The following ACAN variants were observed in gnomAD, a reference collection of about 807,000 sequenced individuals.
The protein encoded by ACAN is aggrecan core protein.
A neutral mutation model predicts 169.1 loss-of-function variants in ACAN; 47 were observed. The observed-to-expected ratio is 0.28, with a 90% CI of 0.22 to 0.35. The LOEUF is 0.35. Ranked by LOEUF, ACAN falls within the 10% of genes least tolerant of loss-of-function variation. ACAN has a pLI of 1.00. For synonymous variants in ACAN, 1,115 were observed against 1,112.2 expected, an observed-to-expected ratio of 1.00 and a Z score of -0.05; for missense variants, 2,716 against 2,759.9, an observed-to-expected ratio of 0.98 and a Z score of 0.36.
intron 1 of ACAN, among the ~76,000 whole-genome samples, chr15:88,820,369 G>A (rs1389752264): frequency 3.3e-5 from 5 of 152,096 alleles, no homozygotes; most frequent in South Asian, 2.1e-4. Context: ...ACCAAAGATC[G>A]TGAGGACTGT....
At chr15:88,822,844 T>C (rs542385641) in intron 1 of ACAN, among the ~76,000 whole-genome samples, 21 of 152,300 alleles carry the variant, frequency 1.4e-4, no homozygotes, top group African/African-American at 4.8e-4. Flanking sequence ...TCTCCTTTCT[T>C]ACCTTTGACT....
rs190636170 is a variant in ACAN, at chr15:88,861,560, C to T, written c.6946+1121C>T. Among the ~76,000 whole-genome samples, 15 of 152,016 alleles carry T rather than the reference C, an allele frequency of 9.9e-5. No individual in the cohort carries two copies. Among genetic ancestry groups the T allele is most frequent in the Admixed American group, 6.5e-5 (1 of 15,270 alleles). On this transcript the variant is annotated intron_variant, in intron 13 of 18. Transcript: ENST00000560601. This position sits in a 1 kb window ranked among gnomAD's most constrained non-coding sequence, Gnocchi z 6.3. ...AACTATATATGTATATATAAACAGA[C>T]GTTAGGGTAGATATTCATTCACTCT... is the stretch of plus-strand genomic sequence containing the variant.
chr15:88,822,827 TA>T (rs1317704699), intron 1 of ACAN, among the ~76,000 whole-genome samples: 3 of 152,162 alleles, frequency 2.0e-5, no homozygotes, highest in Admixed American at 2.0e-4. Context: ...GGACTACAGA[TA>T]ACCCATCTCC....
intron 11 of ACAN, among the ~76,000 whole-genome samples, chr15:88,853,753 GATACATACATAC>G (rs3080433): frequency 0.014 from 2,151 of 150,166 alleles, 61 homozygotes; most frequent in African/African-American, 0.05. Context: ...TAGATAGATA[GATACATACATAC>G]ATACATACAT....
At chr15:88,811,798 G>C (rs996127006) in intron 1 of ACAN, among the ~76,000 whole-genome samples, 1 of 152,102 alleles carries the variant, frequency 6.6e-6, no homozygotes, top group Non-Finnish European at 1.5e-5. Context: ...CCCTGGAGCT[G>C]AGTAAAGAGG....
In ACAN at chr15:88,814,915, A is replaced by T. The variant is rs1375288424; in HGVS notation, c.-8+11106A>T. 1.3e-5 allele frequency among the ~76,000 whole-genome samples: 2 copies of T among 151,956 alleles called. No individual in the cohort carries two copies. The highest frequency in any genetic ancestry group is 4.8e-5 in the African/African-American group (2 of 41,358). On this transcript the variant is annotated intron_variant, in intron 1 of 18. Transcript: ENST00000560601. This position sits in a 1 kb window ranked among gnomAD's most constrained non-coding sequence, Gnocchi z 4.0. The stretch of plus-strand genomic sequence containing the variant: ...CCTCTCCTGGGACTAGGGAGTGGGG[A>T]ATCCTAAATGTACCAGAAGAACCTT...
At chr15:88,827,722 GC>G (rs1896259930) in intron 1 of ACAN, among the ~76,000 whole-genome samples, 1 of 152,196 alleles carries the variant, frequency 6.6e-6, no homozygotes, top group South Asian at 2.1e-4. Flanking sequence ...GGAGGAACCA[GC>G]CAGACAAACC....
rs1482531894 is a variant in ACAN, at chr15:88,869,081, C to T, written c.7060+752C>T. ...ACCACTTCTACCAAAAGGAGCTGTG[C>T]ACCAGGAACCCTCCCAGGGACAGAC... On this transcript the variant is annotated intron_variant, in intron 14 of 18. Transcript: ENST00000560601. The surrounding 1 kb of genome is among the most constrained non-coding windows in gnomAD (Gnocchi z 4.2). Among the ~76,000 whole-genome samples, 1 of 152,182 alleles carries T rather than the reference C, an allele frequency of 6.6e-6. No homozygotes were observed. Among genetic ancestry groups the T allele is most frequent in the African/African-American group, 2.4e-5 (1 of 41,444 alleles).
Position 88,866,950 on chromosome 15 carries a change from G to A in ACAN, c.6947-1266G>A, listed in dbSNP as rs1231562664. 6.6e-6 allele frequency among the ~76,000 whole-genome samples: 1 copy of A among 152,126 alleles called. No individual in the cohort carries two copies. ...TGTGAACACAGCTGCACATACTGAG[G>A]CTCAGTATCTTCAAACCAATGTCAT... is the stretch of plus-strand genomic sequence containing the variant. On this transcript the variant is annotated intron_variant, in intron 13 of 18. Transcript: ENST00000560601. The surrounding 1 kb of genome is among the most constrained non-coding windows in gnomAD (Gnocchi z 5.6).
intron 2 of ACAN, among the ~76,000 whole-genome samples, chr15:88,837,401 T>C (rs1490427474): frequency 6.6e-6 from 1 of 152,226 alleles, no homozygotes; most frequent in African/African-American, 2.4e-5. Flanking sequence ...AATAGGAAGA[T>C]AGGACATAGA....
chr15:88,823,409 G>T (rs1236471984), intron 1 of ACAN, among the ~76,000 whole-genome samples: 1 of 151,974 alleles, frequency 6.6e-6, no homozygotes, highest in Non-Finnish European at 1.5e-5. Context: ...TTGGTTTTTT[G>T]GTGGTTTTTT....
At chr15:88,804,196 CT>C (rs1895617895) in intron 1 of ACAN, among the ~76,000 whole-genome samples, 1 of 152,162 alleles carries the variant, frequency 6.6e-6, no homozygotes, top group African/African-American at 2.4e-5. Flanking sequence ...CGAGGTGCTA[CT>C]TTTGAGCTGG....
At chr15:88,812,486 C>G (rs1292052572) in intron 1 of ACAN, among the ~76,000 whole-genome samples, 1 of 152,208 alleles carries the variant, frequency 6.6e-6, no homozygotes, top group Non-Finnish European at 1.5e-5. Context: ...TACAGGCCCC[C>G]AAGCTGGCTG....
intron 11 of ACAN, 106 bp downstream of exon 11, chr15:88,852,139 T>C: frequency 6.8e-7 from 1 of 1,459,942 alleles, no homozygotes; most frequent in Non-Finnish European, 9.1e-7. Flanking sequence ...ATTTGTGCTG[T>C]TTCCCCAGCC....
At position 88,840,980 on chromosome 15, in the gene ACAN, TA is replaced by T. The variant is rs546394224; in HGVS notation, c.630-754del. Among the ~76,000 whole-genome samples, 1,149 of 151,886 alleles carry T rather than the reference TA, an allele frequency of 7.6e-3. 6 individuals carry two copies. Among genetic ancestry groups the T allele is most frequent in the African/African-American group, 0.016 (659 of 41,438 alleles). ...TAACATGGTGAAACCCCATCTCTAC[TA>T]AAAAATACAAAAAATTAGCCAGGCG... On this transcript the variant is annotated intron_variant, in intron 4 of 18. Coordinates refer to ENST00000560601, the MANE Select transcript of ACAN (RefSeq NM_001369268.1).
chr15:88,808,576 G>A (rs1895743034), intron 1 of ACAN, among the ~76,000 whole-genome samples: 1 of 152,138 alleles, frequency 6.6e-6, no homozygotes, highest in Non-Finnish European at 1.5e-5. Context: ...CTTCCCCGGG[G>A]AACATTTGGC....
chr15:88,818,910 TTTATG>T lies in ACAN; in HGVS notation c.-8+15108_-8+15112del, dbSNP rs1342262567. ...TTTTTAGAAGATTAAGATGATAAAT[TTTATG>T]TTATGTATATTTTACCACAATTTAG... On this transcript the variant is annotated intron_variant, in intron 1 of 18. Coordinates refer to ENST00000560601, the MANE Select transcript of ACAN (RefSeq NM_001369268.1). Among the ~76,000 whole-genome samples the T allele has an allele frequency of 3.9e-5, 6 of 152,330 alleles. No homozygotes were observed. In the South Asian group the frequency reaches 1.2e-3, roughly 32 times the overall value.
At chr15:88,842,263 A>G (rs12908753) in intron 5 of ACAN, among the ~76,000 whole-genome samples, 110,734 of 151,930 alleles carry the variant, frequency 0.73, 41,466 homozygotes, top group African/African-American at 0.9. Context: ...CACCTGCAAC[A>G]AAGCTCCCAG....
At chr15:88,810,277 G>T (rs558104517) in intron 1 of ACAN, among the ~76,000 whole-genome samples, 1 of 149,652 alleles carries the variant, frequency 6.7e-6, no homozygotes, top group East Asian at 1.9e-4. Flanking sequence ...TGGTCCTTGG[G>T]TTACCCATTG....
Sources: gnomAD v4.1 joint callset for allele counts (sites outside exome capture counted in the v4.1 genomes callset) on GRCh38, gnomAD v4.1.1 for gene constraint, Gnocchi (gnomAD v3.1) non-coding constraint, MANE v1.5 for transcripts, NCBI Gene and HGNC (gene_info 2026-07-23, HGNC 2026-07-21) for gene names.